INTU: variants seen among roughly 807,000 people sequenced by gnomAD.
INTU encodes protein inturned.
Under a neutral mutation model 100.5 loss-of-function variants are expected in INTU, and 68 were observed. The ratio of observed to expected loss-of-function variants is 0.68; its 90% CI spans 0.56 to 0.83. INTU has a LOEUF of 0.83. Among genes scored for constraint, INTU ranks in the 40% least tolerant of loss-of-function variants. The pLI is 0.00. For missense variants in INTU, 1,071 were observed against 1,114.7 expected, an observed-to-expected ratio of 0.96 and a Z score of 0.56; for synonymous variants, 357 against 395.7, an observed-to-expected ratio of 0.90 and a Z score of 1.16.
In INTU at chr4:127,708,581, A is replaced by T; in HGVS notation, c.2282A>T (p.Lys761Met). ...ESGTLLKVTK[K>M]KSTLPNPFHL... Reference sequence around the variant, plus strand: ...AACTATATTTTTCAGGTCACTAAAAAGAAGTCTACTCTTCCAAATCCATTT... The same window carrying T: ...AACTATATTTTTCAGGTCACTAAAATGAAGTCTACTCTTCCAAATCCATTT... Residue 761 changes from lysine (K) to methionine (M), a missense_variant, in exon 13 of 16, where the codon AAG (lysine) becomes ATG (methionine). Transcript: ENST00000335251. 1 of 1,576,870 alleles carries T rather than the reference A, an allele frequency of 6.3e-7. No individual in the cohort carries two copies. Among genetic ancestry groups the T allele is most frequent in the South Asian group, 1.1e-5 (1 of 88,538 alleles).
intron 6 of INTU, among the ~76,000 whole-genome samples, chr4:127,679,560 A>G (rs1390994090): frequency 6.6e-6 from 1 of 152,232 alleles, no homozygotes; most frequent in African/African-American, 2.4e-5. Flanking sequence ...ACCAACGAGA[A>G]CAAAGACACA....
intron 15 of INTU, among the ~76,000 whole-genome samples, chr4:127,714,467 C>T (rs1731198053): frequency 6.6e-6 from 1 of 152,044 alleles, no homozygotes; most frequent in African/African-American, 2.4e-5. Context: ...CAGGACCCTG[C>T]CCACCTTTGT....
intron 6 of INTU, among the ~76,000 whole-genome samples, chr4:127,683,242 GA>G (rs993067537): frequency 2.6e-5 from 4 of 152,278 alleles, no homozygotes; most frequent in Middle Eastern, 3.4e-3. Flanking sequence ...TTAATTTGAA[GA>G]TCCCCTTTAT....
chr4:127,674,396 T>C (rs577782537), intron 6 of INTU, among the ~76,000 whole-genome samples, 183 bp downstream of exon 6: 1 of 152,368 alleles, frequency 6.6e-6, no homozygotes, highest in East Asian at 1.9e-4. Flanking sequence ...AAAGGTGCCA[T>C]GAAGCCTCAG....
Position 127,654,069 on chromosome 4 carries a change from T to G in INTU, c.683-2567T>G, listed in dbSNP as rs376789770. 2.5e-3 allele frequency among the ~76,000 whole-genome samples: 373 copies of G among 150,712 alleles called. 4 individuals are homozygous for G. Among genetic ancestry groups the G allele is most frequent in the African/African-American group, 8.7e-3 (353 of 40,640 alleles). On this transcript the variant is annotated intron_variant, in intron 2 of 15. Coordinates refer to ENST00000335251, the MANE Select transcript of INTU (RefSeq NM_015693.4). ...CCCCTGCCTTTTTTTGTTTTCCATT[T>G]GCTTGGTAGATCTTCCTCCATCCTT... is the stretch of plus-strand genomic sequence containing the variant.
intron 1 of INTU, among the ~76,000 whole-genome samples, chr4:127,636,358 C>G (rs1727069360): frequency 6.6e-6 from 1 of 152,044 alleles, no homozygotes; most frequent in African/African-American, 2.4e-5. Context: ...CACCTGTAAT[C>G]CCAGCACTTT....
intron 6 of INTU, chr4:127,675,942 A>G: frequency 3.2e-6 from 1 of 312,798 alleles, no homozygotes; most frequent in Non-Finnish European, 6.9e-6. Context: ...TCATGGGGAG[A>G]GGAATTAAGC....
At chr4:127,639,343 TA>T (rs112115677) in intron 1 of INTU, among the ~76,000 whole-genome samples, 4 of 152,312 alleles carry the variant, frequency 2.6e-5, no homozygotes, top group South Asian at 2.1e-4. Context: ...GGAAAGTTAC[TA>T]TCTTTCTCTT....
intron 5 of INTU, among the ~76,000 whole-genome samples, chr4:127,672,231 AT>A (rs1187088528): frequency 1.3e-5 from 2 of 152,060 alleles, no homozygotes; most frequent in African/African-American, 4.8e-5. Flanking sequence ...ATTTTAAAAC[AT>A]TTTTCTCACC....
intron 5 of INTU, among the ~76,000 whole-genome samples, chr4:127,673,348 ATT>A (rs777890903): frequency 1.8e-4 from 25 of 135,490 alleles, no homozygotes; most frequent in Admixed American, 3.0e-4. Context: ...CACCCAGCTA[ATT>A]TTTTTTTTTT....
intron 1 of INTU, among the ~76,000 whole-genome samples, chr4:127,641,718 A>C (rs960657759): frequency 2.6e-5 from 4 of 152,150 alleles, no homozygotes; most frequent in African/African-American, 9.7e-5. Flanking sequence ...TTACTAAGCA[A>C]GGGCGGGAAC....
intron 14 of INTU, among the ~76,000 whole-genome samples, chr4:127,712,285 T>C (rs1430775504): frequency 2.0e-5 from 3 of 152,156 alleles, no homozygotes; most frequent in African/African-American, 7.2e-5. Context: ...TTTTTTTGAG[T>C]CCTCAGAAAT....
intron 7 of INTU, among the ~76,000 whole-genome samples, chr4:127,685,205 A>T (rs1729761077): frequency 6.6e-6 from 1 of 151,768 alleles, no homozygotes; most frequent in African/African-American, 2.4e-5. Flanking sequence ...AACCTTCTTG[A>T]TTGGAAGGCA....
intron 1 of INTU, among the ~76,000 whole-genome samples, chr4:127,639,229 C>T (rs554068328): frequency 6.6e-6 from 1 of 152,072 alleles, no homozygotes; most frequent in South Asian, 2.1e-4. Flanking sequence ...ATTGTATTGT[C>T]TGCTTAGTCT....
chr4:127,667,602 G>C (rs1222897234), intron 4 of INTU, among the ~76,000 whole-genome samples: 1 of 151,618 alleles, frequency 6.6e-6, no homozygotes, highest in African/African-American at 2.4e-5. Context: ...GAGTATATGG[G>C]TTTTTTTTGT....
In INTU at chr4:127,691,962, G is replaced by GTGTGTGTATATATATATATATATATATA; in HGVS notation, c.1449+4096_1449+4097insGTGTGTATATATATATATATATATATAT. On this transcript the variant is annotated intron_variant, in intron 8 of 15. Coordinates refer to ENST00000335251, the MANE Select transcript of INTU (RefSeq NM_015693.4). The stretch of plus-strand genomic sequence containing the variant: ...GGCGGAGTATAGTGTTCCATGGTAT[G>GTGTGTGTATATATATATATATATATATA]TATATATATATATATATATGTCACA... 1.1e-3 allele frequency among the ~76,000 whole-genome samples: 108 copies of GTGTGTGTATATATATATATATATATATA among 98,238 alleles called. 6 individuals carry two copies. Among genetic ancestry groups the GTGTGTGTATATATATATATATATATATA allele is most frequent in the African/African-American group, 4.1e-3 (103 of 24,914 alleles). 64.4% of individuals were successfully genotyped at this position (98,238 alleles called of 152,430 possible).
rs543356472 is a variant in INTU, at chr4:127,676,937, A to G, written c.1181+2724A>G. Among the ~76,000 whole-genome samples the G allele has an allele frequency of 3.3e-5, 5 of 152,316 alleles. No individual in the cohort carries two copies. In the East Asian group the frequency reaches 9.7e-4, roughly 29 times the overall value. On this transcript the variant is annotated intron_variant, in intron 6 of 15. Transcript: ENST00000335251. ...CAACAGGCTTAAAAAAAGGCGCACC[A>G]GGAGATTATATCCCGCACATGGCTC...
At chr4:127,633,803 G>A (rs1726950063) in intron 1 of INTU, among the ~76,000 whole-genome samples, 1 of 152,064 alleles carries the variant, frequency 6.6e-6, no homozygotes, top group Non-Finnish European at 1.5e-5. Context: ...GATACCTAAA[G>A]GTTTCACTTT....
chr4:127,677,908 G>C lies in INTU; in HGVS notation c.1181+3695G>C, dbSNP rs562183546. Among the ~76,000 whole-genome samples, 6 of 152,324 alleles carry C rather than the reference G, an allele frequency of 3.9e-5. No homozygotes were observed. In the South Asian group the frequency reaches 6.2e-4, roughly 16 times the overall value. ...AACCAATACAGAGAAGTGCTTAAAG[G>C]AGCTGCTGGAGTGGAAAGCCAAGGC... is the stretch of plus-strand genomic sequence containing the variant. On this transcript the variant is annotated intron_variant, in intron 6 of 15. Coordinates refer to ENST00000335251, the MANE Select transcript of INTU (RefSeq NM_015693.4).
Sources: gnomAD v4.1 joint callset for allele counts (sites outside exome capture counted in the v4.1 genomes callset) on GRCh38, gnomAD v4.1.1 for gene constraint, MANE v1.5 for transcripts, NCBI Gene and HGNC (gene_info 2026-07-23, HGNC 2026-07-21) for gene names.